WDPCP: variants seen among roughly 807,000 people sequenced by gnomAD.
The protein encoded by WDPCP is WD repeat-containing and planar cell polarity effector protein fritz homolog.
WDPCP carries 71 observed loss-of-function variants against 93.1 expected under a neutral mutation model. The observed-to-expected ratio is 0.76, with a 90% CI of 0.63 to 0.93. The LOEUF (loss-of-function observed/expected upper bound fraction) is 0.93. Among genes scored for constraint, WDPCP ranks in the 40% least tolerant of loss-of-function variants. The probability of loss-of-function intolerance (pLI) is 0.00; values close to 1 mark genes in which losing one functional copy is unlikely to be tolerated. For missense variants in WDPCP, 844 were observed against 887.4 expected, an observed-to-expected ratio of 0.95 and a Z score of 0.62; for synonymous variants, 315 against 315.0, an observed-to-expected ratio of 1.00 and a Z score of 0.00.
At chr2:63,462,002 G>A (rs147151845) in intron 6 of WDPCP, among the ~76,000 whole-genome samples, 3,104 of 152,296 alleles carry the variant, frequency 0.02, 123 homozygotes, top group African/African-American at 0.071. Flanking sequence ...ATTACTGGGT[G>A]TATATCCAAA....
At chr2:63,332,083 CAT>C (rs1158743638) in intron 12 of WDPCP, among the ~76,000 whole-genome samples, 1 of 149,836 alleles carries the variant, frequency 6.7e-6, no homozygotes, top group Non-Finnish European at 1.5e-5. Flanking sequence ...GGGGGAGATA[CAT>C]ATATATATGT....
intron 6 of WDPCP, among the ~76,000 whole-genome samples, chr2:63,479,215 A>T (rs1234809047): frequency 6.6e-6 from 1 of 152,160 alleles, no homozygotes; most frequent in Admixed American, 6.5e-5. Context: ...CCAACAAAAA[A>T]AAGTCCAGGA....
intron 17 of WDPCP, among the ~76,000 whole-genome samples, chr2:63,133,640 T>C (rs1010174457): frequency 1.3e-5 from 2 of 152,222 alleles, no homozygotes; most frequent in Non-Finnish European, 2.9e-5. Flanking sequence ...TGGCATTCAC[T>C]CTGTCCTGTC....
At chr2:63,291,888 T>C (rs191183447) in intron 13 of WDPCP, among the ~76,000 whole-genome samples, 2,087 of 146,596 alleles carry the variant, frequency 0.014, 27 homozygotes, top group Non-Finnish European at 0.021. Flanking sequence ...AATCCCAGCA[T>C]GTTGGGAGGC....
intron 1 of WDPCP, among the ~76,000 whole-genome samples, chr2:63,575,351 GGTATATA>G (rs1707858535): frequency 9.3e-6 from 1 of 107,480 alleles, no homozygotes; most frequent in Non-Finnish European, 2.0e-5. Context: ...TACTGTATAT[GGTATATA>G]CAGTATATAC....
chr2:63,306,313 A>G (rs1685740007), intron 13 of WDPCP, among the ~76,000 whole-genome samples: 1 of 152,224 alleles, frequency 6.6e-6, no homozygotes, highest in South Asian at 2.1e-4. Context: ...CCAGAGGTAC[A>G]AAGAGGAGCT....
intron 12 of WDPCP, among the ~76,000 whole-genome samples, chr2:63,325,787 G>T (rs1687487052): frequency 6.6e-6 from 1 of 152,154 alleles, no homozygotes; most frequent in Non-Finnish European, 1.5e-5. Context: ...CCCCTTACTT[G>T]AAAAGAAAAT....
intron 3 of WDPCP, among the ~76,000 whole-genome samples, chr2:63,634,812 T>C (rs942540386): frequency 1.3e-5 from 2 of 151,984 alleles, no homozygotes; most frequent in African/African-American, 2.4e-5. Flanking sequence ...AATAACCTAA[T>C]GTTATACCTT....
intron 13 of WDPCP, among the ~76,000 whole-genome samples, chr2:63,304,343 A>G (rs539686384): frequency 3.3e-5 from 5 of 152,316 alleles, no homozygotes; most frequent in African/African-American, 1.2e-4. Flanking sequence ...TGAGATCAAC[A>G]CAGAAGGTGG....
intron 1 of WDPCP, among the ~76,000 whole-genome samples, chr2:63,573,908 T>C (rs931467011): frequency 3.3e-5 from 5 of 152,148 alleles, no homozygotes; most frequent in African/African-American, 1.2e-4. Context: ...GTAGAAGCAG[T>C]AGGGATAAAA....
chr2:63,366,334 T>C (rs745733615), intron 12 of WDPCP, among the ~76,000 whole-genome samples: 2 of 151,962 alleles, frequency 1.3e-5, no homozygotes, highest in African/African-American at 4.8e-5. Context: ...TAGCATTTAA[T>C]TGATCTTGTT....
At chr2:63,202,608 G>C (rs1676000700) in intron 14 of WDPCP, among the ~76,000 whole-genome samples, 1 of 152,078 alleles carries the variant, frequency 6.6e-6, no homozygotes, top group African/African-American at 2.4e-5. Flanking sequence ...TTGCAGCCCT[G>C]TAACTTCTGC....
chr2:63,332,467 T>C (rs1187741937), intron 12 of WDPCP, among the ~76,000 whole-genome samples: 2 of 152,168 alleles, frequency 1.3e-5, no homozygotes, highest in African/African-American at 4.8e-5. Flanking sequence ...TATGTAAAAC[T>C]TATATTTCTC....
At chr2:63,441,539 A>C (rs1205269377) in intron 6 of WDPCP, 1 of 151,958 alleles carries the variant, frequency 6.6e-6, no homozygotes, top group Non-Finnish European at 1.5e-5. Flanking sequence ...GCTTGGCCAC[A>C]TTTATCTTTG....
chr2:63,785,880 A>AT (rs1376248402), intron 2 of WDPCP, among the ~76,000 whole-genome samples: 22 of 152,236 alleles, frequency 1.4e-4, no homozygotes, highest in Admixed American at 1.4e-3. Context: ...CAACTGATAC[A>AT]TTTTTACTAT....
intron 2 of WDPCP, among the ~76,000 whole-genome samples, chr2:63,760,326 AGT>A (rs772429437): frequency 1.3e-5 from 2 of 152,156 alleles, no homozygotes; most frequent in Non-Finnish European, 2.9e-5. Flanking sequence ...GTTACATATC[AGT>A]GTTACAACTC....
At chr2:63,554,753 A>G (rs191439065) in intron 1 of WDPCP, among the ~76,000 whole-genome samples, 69 of 152,356 alleles carry the variant, frequency 4.5e-4, no homozygotes, top group African/African-American at 1.6e-3. Context: ...AAGAACAAAA[A>G]TGGTGATTGA....
intron 1 of WDPCP, among the ~76,000 whole-genome samples, chr2:63,537,175 G>A (rs1704353159): frequency 6.6e-6 from 1 of 152,080 alleles, no homozygotes; most frequent in Non-Finnish European, 1.5e-5. Flanking sequence ...ACAAAAATTT[G>A]TGCCGCCTTT....
At chr2:63,533,644 G>A (rs1203271225) in intron 1 of WDPCP, among the ~76,000 whole-genome samples, 1 of 152,138 alleles carries the variant, frequency 6.6e-6, no homozygotes, top group Non-Finnish European at 1.5e-5. Context: ...CAGAAATAAA[G>A]ATGTGTTTGA....
Sources: allele counts gnomAD v4.1 joint callset (sites outside exome capture counted in the v4.1 genomes callset), GRCh38; gene constraint gnomAD v4.1.1; transcripts MANE v1.5; gene names NCBI Gene and HGNC (gene_info 2026-07-23, HGNC 2026-07-21).